The following RPTOR variants were observed in gnomAD, a reference collection of about 807,000 sequenced individuals.
RPTOR encodes regulatory-associated protein of mTOR.
RPTOR carries 21 observed loss-of-function variants against 169.9 expected under a neutral mutation model. That is an observed-to-expected ratio of 0.12 (90% CI 0.09 to 0.18). The LOEUF (loss-of-function observed/expected upper bound fraction) is 0.18, where lower values mean the gene tolerates loss of function less well. Among genes scored for constraint, RPTOR ranks in the 10% least tolerant of loss-of-function variants. The pLI, the probability that RPTOR is intolerant of heterozygous loss-of-function variation, is 1.00. For synonymous variants in RPTOR, 732 were observed against 753.2 expected, an observed-to-expected ratio of 0.97 and a Z score of 0.46; for missense variants, 1,133 against 1,855.9, an observed-to-expected ratio of 0.61 and a Z score of 7.16.
intron 13 of RPTOR, among the ~76,000 whole-genome samples, chr17:80,867,942 A>G (rs981007949): frequency 6.6e-6 from 1 of 152,230 alleles, no homozygotes. Flanking sequence ...CAAAGGACCT[A>G]CAGCAGGCAA....
chr17:80,604,782 C>G (rs1462138732), intron 1 of RPTOR, among the ~76,000 whole-genome samples: 1 of 152,186 alleles, frequency 6.6e-6, no homozygotes, highest in South Asian at 2.1e-4. Context: ...TCTTGTGAGA[C>G]TTATTCACCA....
intron 1 of RPTOR, among the ~76,000 whole-genome samples, chr17:80,570,187 C>T (rs1242100667): frequency 6.6e-6 from 1 of 152,140 alleles, no homozygotes; most frequent in Non-Finnish European, 1.5e-5. Flanking sequence ...ACGGGGCACA[C>T]CTCATTTGTC....
At chr17:80,857,711 C>T (rs1022834446) in intron 12 of RPTOR, 79 bp from the exon 13 acceptor site, 9 of 907,608 alleles carry the variant, frequency 9.9e-6, no homozygotes, top group Non-Finnish European at 1.6e-5. Context: ...AGCACCGCAG[C>T]TGGTCCCGCG....
At chr17:80,800,569 G>A (rs760793549) in intron 7 of RPTOR, among the ~76,000 whole-genome samples, 3 of 152,058 alleles carry the variant, frequency 2.0e-5, no homozygotes, top group African/African-American at 4.8e-5. Flanking sequence ...AACCTTCCTC[G>A]AGCGACCCCC....
intron 5 of RPTOR, among the ~76,000 whole-genome samples, chr17:80,744,171 A>G (rs946235252): frequency 6.2e-5 from 4 of 64,846 alleles, no homozygotes; most frequent in African/African-American, 1.7e-4. Context: ...AGCCCTGGTT[A>G]CTAGCACTAT....
In RPTOR at chr17:80,730,328, A is replaced by G. The variant is rs929570879; in HGVS notation, c.508-232A>G. Among the ~76,000 whole-genome samples, 2 of 151,018 alleles carry G rather than the reference A, an allele frequency of 1.3e-5. No individual in the cohort carries two copies. The highest frequency in any genetic ancestry group is 2.4e-5 in the African/African-American group (1 of 41,030). On this transcript the variant is annotated intron_variant, in intron 4 of 33. Coordinates refer to ENST00000306801, the MANE Select transcript of RPTOR (RefSeq NM_020761.3). The surrounding 1 kb of genome is among the most constrained non-coding windows in gnomAD (Gnocchi z 4.2). Reference sequence around the variant, plus strand: ...ACCATGTTGGCCAGGCTGGTCTTGAACTCCTGACCTCAGGTGATCCACCCA... The same window carrying G: ...ACCATGTTGGCCAGGCTGGTCTTGAGCTCCTGACCTCAGGTGATCCACCCA...
At position 80,721,405 on chromosome 17, in the gene RPTOR, C is replaced by T. The variant is rs1316929233; in HGVS notation, c.508-9155C>T. ...AGCAAGGAGGTGTGAGAATCACTCA[C>T]TTCCTCGGCAGGGCCTGCACGCACC... On this transcript the variant is annotated intron_variant, in intron 4 of 33. Transcript: ENST00000306801. The surrounding 1 kb of genome is among the most constrained non-coding windows in gnomAD (Gnocchi z 4.7). Among the ~76,000 whole-genome samples, 1 of 151,482 alleles carries T rather than the reference C, an allele frequency of 6.6e-6. No individual in the cohort carries two copies. The highest frequency in any genetic ancestry group is 1.9e-4 in the East Asian group (1 of 5,200).
chr17:80,586,544 C>G (rs2065061959), intron 1 of RPTOR, among the ~76,000 whole-genome samples: 1 of 152,160 alleles, frequency 6.6e-6, no homozygotes, highest in Admixed American at 6.5e-5. Context: ...GCTCTGGTAC[C>G]CGCCTTCCTG....
chr17:80,648,641 C>G (rs1352580692), intron 3 of RPTOR, among the ~76,000 whole-genome samples: 2 of 152,114 alleles, frequency 1.3e-5, no homozygotes, highest in Non-Finnish European at 2.9e-5. Context: ...ATTAGACAGG[C>G]CTCTGCTTTG....
intron 5 of RPTOR, among the ~76,000 whole-genome samples, chr17:80,734,210 C>G (rs981354468): frequency 2.6e-5 from 4 of 152,220 alleles, no homozygotes; most frequent in Admixed American, 2.0e-4. Context: ...ATCGTTACCA[C>G]TTCCTCCACT....
At chr17:80,888,996 G>T (rs1454993145) in intron 17 of RPTOR, among the ~76,000 whole-genome samples, 1 of 152,232 alleles carries the variant, frequency 6.6e-6, no homozygotes, top group African/African-American at 2.4e-5. Context: ...GGGGCAGGTG[G>T]CCCAGCCAGG....
chr17:80,742,007 T>C (rs1247720580), intron 5 of RPTOR, among the ~76,000 whole-genome samples: 1 of 152,086 alleles, frequency 6.6e-6, no homozygotes, highest in African/African-American at 2.4e-5. Flanking sequence ...GTTGAGCGGC[T>C]CACACGAGGA....
chr17:80,917,567 T>A (rs1446557246), intron 21 of RPTOR, among the ~76,000 whole-genome samples: 2 of 152,252 alleles, frequency 1.3e-5, no homozygotes, highest in Non-Finnish European at 2.9e-5. Flanking sequence ...TAATTCAGCA[T>A]GTTTGCAATT....
intron 3 of RPTOR, among the ~76,000 whole-genome samples, chr17:80,696,795 C>T (rs1468910545): frequency 6.6e-6 from 1 of 152,214 alleles, no homozygotes; most frequent in African/African-American, 2.4e-5. Context: ...GAGCAAACTC[C>T]ATGCGGGGCC....
At chr17:80,650,875 T>C (rs763500288) in intron 3 of RPTOR, among the ~76,000 whole-genome samples, 12 of 152,204 alleles carry the variant, frequency 7.9e-5, no homozygotes, top group Non-Finnish European at 1.5e-5. Flanking sequence ...TTCCTGACTC[T>C]TCCTCTATTA....
At chr17:80,700,172 T>C (rs1027697983) in intron 3 of RPTOR, among the ~76,000 whole-genome samples, 10 of 152,104 alleles carry the variant, frequency 6.6e-5, no homozygotes, top group Non-Finnish European at 1.0e-4. Flanking sequence ...GTGTAGACTC[T>C]CAGAGATTAT....
chr17:80,804,553 G>GC (rs2067198255), intron 7 of RPTOR: 1 of 152,236 alleles, frequency 6.6e-6, no homozygotes, highest in Non-Finnish European at 1.5e-5. Context: ...ATCCTGTCCC[G>GC]CCCCGTCCCA....
chr17:80,877,835 G>A (rs933532248), intron 13 of RPTOR, among the ~76,000 whole-genome samples: 44 of 152,298 alleles, frequency 2.9e-4, no homozygotes, highest in Non-Finnish European at 2.9e-5. Context: ...GCCGGCGCCT[G>A]GCTCCCTGAC....
intron 25 of RPTOR, among the ~76,000 whole-genome samples, chr17:80,944,576 A>G (rs1383603447): frequency 1.3e-5 from 2 of 152,202 alleles, no homozygotes; most frequent in African/African-American, 4.8e-5. Context: ...CCTGCTCCTC[A>G]GCAGGTGGTC....
Sources: allele counts gnomAD v4.1 joint callset (sites outside exome capture counted in the v4.1 genomes callset), GRCh38; gene constraint gnomAD v4.1.1; non-coding constraint Gnocchi (gnomAD v3.1); transcripts MANE v1.5; gene names NCBI Gene and HGNC (gene_info 2026-07-23, HGNC 2026-07-21).